The following MACC1 variants were observed in gnomAD, a reference collection of about 807,000 sequenced individuals.
MACC1 encodes MET transcriptional regulator MACC1, also known as metastasis-associated in colon cancer protein 1.
In MACC1, 79 loss-of-function variants were observed where a neutral mutation model predicts 70.7. The ratio of observed to expected loss-of-function variants is 1.12; its 90% CI spans 0.93 to 1.35. The LOEUF (loss-of-function observed/expected upper bound fraction) is 1.35, where lower values mean the gene tolerates loss of function less well. Among genes scored for constraint, MACC1 ranks in the 40% most tolerant of loss-of-function variants. The pLI, the probability that MACC1 is intolerant of heterozygous loss-of-function variation, is 0.00. For missense variants in MACC1, 1,106 were observed against 978.1 expected (o/e 1.13, Z -1.74); for synonymous variants, 361 against 347.2 (o/e 1.04, Z -0.44).
In MACC1 at chr7:20,160,046, T is replaced by C. The variant is rs751433213; in HGVS notation, c.315A>G (p.Arg105=). 2.5e-6 allele frequency: 4 copies of C among 1,610,254 alleles called. No homozygotes were observed. In the South Asian group the frequency reaches 3.3e-5, roughly 13 times the overall value. ...CAAAAGAATTTCCATTTTCTATTTC[T>C]CTACAGAAAAGAAAAGGATCTTCCT... ...ILKEDPFLFC[R]EIENGNSFDS... is the part of the protein sequence containing the mutation. The change falls in exon 5 of 7, where the codon AGA becomes AGG. Residue 105 remains arginine, a synonymous_variant. Coordinates refer to ENST00000400331, the MANE Select transcript of MACC1 (RefSeq NM_182762.4).
intron 1 of MACC1, among the ~76,000 whole-genome samples, chr7:20,214,713 T>A (rs1327997532): frequency 6.6e-6 from 1 of 152,200 alleles, no homozygotes. Flanking sequence ...GAAGTTTAAG[T>A]CATATCAAAA....
intron 6 of MACC1, among the ~76,000 whole-genome samples, chr7:20,153,834 C>T (rs1475280606): frequency 3.9e-5 from 6 of 152,138 alleles, no homozygotes; most frequent in Non-Finnish European, 7.4e-5. Context: ...TTATGTCTTC[C>T]TCTATTGTCC....
At chr7:20,162,466 G>T (rs1305600548) in intron 3 of MACC1, among the ~76,000 whole-genome samples, 2 of 152,046 alleles carry the variant, frequency 1.3e-5, no homozygotes, top group African/African-American at 4.8e-5. Flanking sequence ...ACATAGAAAA[G>T]CAAAGAGCTA....
At chr7:20,197,709 A>C (rs113332560) in intron 1 of MACC1, among the ~76,000 whole-genome samples, 4 of 152,228 alleles carry the variant, frequency 2.6e-5, no homozygotes, top group African/African-American at 4.8e-5. Context: ...CAAACTCTGC[A>C]TAGATCACGG....
rs1562576090 is a variant in MACC1, at chr7:20,136,864, C to A, written c.*4082G>T. The A allele has an allele frequency of 1.4e-5, 2 of 139,956 alleles. No homozygotes were observed. The highest frequency in any genetic ancestry group is 5.0e-5 in the African/African-American group (2 of 40,096). 8.7% of individuals were successfully genotyped at this position (139,956 alleles called of 1,614,324 possible). On this transcript the variant is annotated 3_prime_UTR_variant, in exon 7 of 7. Transcript: ENST00000400331. ...TAATTATTAATTGTAATTATTAATTCTTAAAGATTATTAATTATAATATTA... is the reference window on the plus strand; with the variant it reads ...TAATTATTAATTGTAATTATTAATTATTAAAGATTATTAATTATAATATTA...
intron 2 of MACC1, among the ~76,000 whole-genome samples, chr7:20,167,070 A>G (rs989003923): frequency 6.6e-6 from 1 of 152,218 alleles, no homozygotes; most frequent in Non-Finnish European, 1.5e-5. Context: ...AGATAATCAT[A>G]AGAGCTATTA....
intron 6 of MACC1, among the ~76,000 whole-genome samples, chr7:20,152,354 T>G (rs1365815266): frequency 6.6e-6 from 1 of 152,118 alleles, no homozygotes; most frequent in African/African-American, 2.4e-5. Flanking sequence ...TGCTTTGAAA[T>G]CAACTACTTG....
chr7:20,145,087 A>T (rs576701959), intron 6 of MACC1, among the ~76,000 whole-genome samples: 1 of 152,318 alleles, frequency 6.6e-6, no homozygotes, highest in East Asian at 1.9e-4. Context: ...GTAGGTTAAA[A>T]TGATGTACGA....
intron 6 of MACC1, among the ~76,000 whole-genome samples, chr7:20,148,976 C>A (rs1240721230): frequency 1.3e-5 from 2 of 152,204 alleles, no homozygotes; most frequent in African/African-American, 4.8e-5. Context: ...AAGGCTAGAA[C>A]TGAACCAGGC....
chr7:20,188,900 A>G (rs1387978713), intron 1 of MACC1, among the ~76,000 whole-genome samples: 1 of 152,224 alleles, frequency 6.6e-6, no homozygotes, highest in South Asian at 2.1e-4. Flanking sequence ...AATCAAGCAA[A>G]AGCTAAAGTT....
chr7:20,213,803 T>C (rs1783031195), intron 1 of MACC1, among the ~76,000 whole-genome samples: 1 of 152,024 alleles, frequency 6.6e-6, no homozygotes, highest in African/African-American at 2.4e-5. Flanking sequence ...ATAACTTGGG[T>C]ACTAGGCTTA....
intron 6 of MACC1, among the ~76,000 whole-genome samples, chr7:20,141,403 T>C (rs1056472041): frequency 3.9e-5 from 6 of 152,176 alleles, no homozygotes; most frequent in Non-Finnish European, 7.4e-5. Context: ...TTTCCCTTGA[T>C]CCATCATCTA....
At chr7:20,191,462 G>A (rs2128107121) in intron 1 of MACC1, among the ~76,000 whole-genome samples, 1 of 140,364 alleles carries the variant, frequency 7.1e-6, no homozygotes, top group East Asian at 3.2e-4. Context: ...TACGTAGCTG[G>A]CGTTGGAACT....
In MACC1 at chr7:20,158,550, C is replaced by A. The variant is rs748446571; in HGVS notation, c.1811G>T (p.Gly604Val). The A allele has an allele frequency of 3.1e-6, 5 of 1,613,922 alleles. No homozygotes were observed. The highest frequency in any genetic ancestry group is 3.4e-6 in the Non-Finnish European group (4 of 1,179,980). The stretch of plus-strand genomic sequence containing the variant: ...TTTGCAGTGTACAAGTCCAATCTTA[C>A]CTCTGAGGACTCCTACATACCATTC... ...VKEWYVGVLR[G>V]KIGLVHCKNV... The change falls in exon 5 of 7, where the codon GGT (glycine) becomes GTT (valine). Residue 604 changes from glycine to valine, a missense_variant. Physicochemically the swap from Gly to Val is moderately radical, Grantham distance 109. Transcript: ENST00000400331.
At chr7:20,215,810 T>C (rs1583416795) in intron 1 of MACC1, among the ~76,000 whole-genome samples, 1 of 152,236 alleles carries the variant, frequency 6.6e-6, no homozygotes, top group African/African-American at 2.4e-5. Flanking sequence ...AGATGGTGTT[T>C]AACAAACTTT....
intron 1 of MACC1, among the ~76,000 whole-genome samples, chr7:20,196,781 C>G (rs150863540): frequency 3.9e-4 from 59 of 151,972 alleles, no homozygotes; most frequent in African/African-American, 1.4e-3. Context: ...GAAATATGCC[C>G]CAAAACTTAA....
intron 6 of MACC1, among the ~76,000 whole-genome samples, chr7:20,152,243 T>C (rs1177454238): frequency 6.6e-6 from 1 of 152,058 alleles, no homozygotes. Context: ...GGAAATGACA[T>C]ACAGGAAAAA....
At chr7:20,179,347 A>C in intron 1 of MACC1, among the ~76,000 whole-genome samples, 1 of 152,196 alleles carries the variant, frequency 6.6e-6, no homozygotes, top group Middle Eastern at 3.2e-3. Flanking sequence ...TGTTAGATAT[A>C]TTACTCAGCA....
At chr7:20,173,733 C>A (rs866599952) in intron 1 of MACC1, among the ~76,000 whole-genome samples, 8 of 152,306 alleles carry the variant, frequency 5.3e-5, no homozygotes, top group Admixed American at 2.6e-4. Flanking sequence ...CTTGGCCCAA[C>A]TAACCAGTAG....
Sources: gnomAD v4.1 joint callset for allele counts (sites outside exome capture counted in the v4.1 genomes callset) on GRCh38, gnomAD v4.1.1 for gene constraint, MANE v1.5 for transcripts, NCBI Gene and HGNC (gene_info 2026-07-23, HGNC 2026-07-21) for gene names.